Variants in EDC3 observed in about 807,000 individuals in gnomAD.
EDC3 encodes enhancer of mRNA-decapping protein 3.
EDC3 carries 20 observed loss-of-function variants against 41.8 expected under a neutral mutation model. The observed-to-expected ratio is 0.48, with a 90% CI of 0.34 to 0.70. The LOEUF (loss-of-function observed/expected upper bound fraction) is 0.70, where lower values mean the gene tolerates loss of function less well. Among genes scored for constraint, EDC3 ranks in the 30% least tolerant of loss-of-function variants. The pLI is 0.01. For missense variants in EDC3, 444 were observed against 636.8 expected (o/e 0.70, Z 3.26); for synonymous variants, 206 against 243.2 (o/e 0.85, Z 1.42).
At chr15:74,690,942 C>A (rs967934303) in intron 1 of EDC3, among the ~76,000 whole-genome samples, 4 of 152,158 alleles carry the variant, frequency 2.6e-5, no homozygotes, top group African/African-American at 9.7e-5. Context: ...TGTCTGCAAT[C>A]CTAGCACTGT....
At chr15:74,636,302 T>A (rs1233304589) in intron 5 of EDC3, 2 of 152,864 alleles carry the variant, frequency 1.3e-5, no homozygotes, top group Non-Finnish European at 2.9e-5. Context: ...CATAGGATGC[T>A]GTGCAGATTA....
chr15:74,655,762 G>C lies in EDC3; in HGVS notation c.791C>G (p.Pro264Arg), dbSNP rs1477944645. The C allele has an allele frequency of 2.5e-6, 4 of 1,612,722 alleles. No homozygotes were observed. The highest frequency in any genetic ancestry group is 3.4e-6 in the Non-Finnish European group (4 of 1,178,948). Residue 264 changes from proline (P) to arginine (R), a missense_variant, in exon 4 of 7, where the codon CCC becomes CGC. Physicochemically the swap from Pro to Arg is moderately radical, Grantham distance 103. This residue lies in a region of EDC3 where 242 missense variants were observed against 363.8 expected (regional missense o/e 0.67). Coordinates refer to ENST00000315127, the MANE Select transcript of EDC3 (RefSeq NM_025083.5). ...GCAGAACTCCTTGCTCACGTTGTGGGGCACTATGATCCGTCGATAGACAAT... is the reference window on the plus strand; with the variant it reads ...GCAGAACTCCTTGCTCACGTTGTGGCGCACTATGATCCGTCGATAGACAAT... ...EPIVYRRIIV[P>R]HNVSKEFCTD...
intron 6 of EDC3, among the ~76,000 whole-genome samples, chr15:74,633,392 A>G (rs963919986): frequency 4.6e-5 from 7 of 152,216 alleles, no homozygotes; most frequent in African/African-American, 1.7e-4. Flanking sequence ...GCTGACTGCT[A>G]TCTGCTGACC....
At chr15:74,648,301 T>C (rs2062440535) in intron 4 of EDC3, among the ~76,000 whole-genome samples, 1 of 152,208 alleles carries the variant, frequency 6.6e-6, no homozygotes, top group African/African-American at 2.4e-5. Context: ...AGCCTTAGAT[T>C]ACTTCTAGAG....
intron 4 of EDC3, among the ~76,000 whole-genome samples, chr15:74,651,154 T>C (rs2062475917): frequency 6.6e-6 from 1 of 152,234 alleles, no homozygotes; most frequent in Non-Finnish European, 1.5e-5. Context: ...TAGTGTTTTA[T>C]ATTTAAACTT....
intron 3 of EDC3, among the ~76,000 whole-genome samples, chr15:74,662,114 A>G (rs1010834023): frequency 6.6e-6 from 1 of 152,180 alleles, no homozygotes; most frequent in African/African-American, 2.4e-5. Flanking sequence ...CTACTGATTA[A>G]CTTTTAAGTT....
intron 3 of EDC3, among the ~76,000 whole-genome samples, chr15:74,662,906 A>C (rs915388749): frequency 2.0e-5 from 3 of 152,212 alleles, no homozygotes; most frequent in Non-Finnish European, 4.4e-5. Flanking sequence ...AGAATCTAGA[A>C]TCCAAAGACC....
rs2062560142 is a variant in EDC3, at chr15:74,657,241, G to A, written c.485-1173C>T. 2.6e-5 allele frequency among the ~76,000 whole-genome samples: 4 copies of A among 152,370 alleles called. No homozygotes were observed. In the South Asian group the frequency reaches 8.3e-4, roughly 32 times the overall value. ...TAACACATCCTCTGGGGCTTCAGGA[G>A]TTGTAGACACCCCACCTAGATGCTG... On this transcript the variant is annotated intron_variant, in intron 3 of 6. Transcript: ENST00000315127.
chr15:74,684,433 T>A (rs1470200969), intron 1 of EDC3, among the ~76,000 whole-genome samples: 1 of 131,536 alleles, frequency 7.6e-6, no homozygotes, highest in Non-Finnish European at 1.5e-5. Context: ...CCCAAAGTGC[T>A]AAGATTACAG....
chr15:74,692,820 T>C lies in EDC3; in HGVS notation c.-19+3060A>G, dbSNP rs2063022413. 6 of 152,336 alleles carry C rather than the reference T, an allele frequency of 3.9e-5. No individual in the cohort carries two copies. The South Asian group carries it at 1.2e-3, about 32-fold the overall frequency. 9.4% of individuals were successfully genotyped at this position (152,336 alleles called of 1,614,324 possible). The stretch of plus-strand genomic sequence containing the variant: ...TTGTATTTAGGTAATTTTATATTTA[T>C]TTTTAAGAAGTCAATATTTACTTGT... On this transcript the variant is annotated intron_variant, in intron 1 of 6. Transcript: ENST00000315127.
At chr15:74,651,281 C>G (rs1488753890) in intron 4 of EDC3, among the ~76,000 whole-genome samples, 6 of 152,186 alleles carry the variant, frequency 3.9e-5, no homozygotes, top group Non-Finnish European at 8.8e-5. Context: ...AGGGCAGGCC[C>G]AAGCTAGAGA....
chr15:74,652,298 G>A (rs904938741), intron 4 of EDC3, among the ~76,000 whole-genome samples: 1 of 150,210 alleles, frequency 6.7e-6, no homozygotes, highest in Non-Finnish European at 1.5e-5. Context: ...TGCGATCTCC[G>A]CTCACTGCAA....
chr15:74,669,493 C>T (rs1821067130), intron 3 of EDC3, among the ~76,000 whole-genome samples: 1 of 147,334 alleles, frequency 6.8e-6, no homozygotes, highest in East Asian at 2.0e-4. Context: ...GCCCGGGCAA[C>T]AGAGCAAGGC....
intron 6 of EDC3, among the ~76,000 whole-genome samples, chr15:74,634,585 C>A (rs1332279675): frequency 6.6e-6 from 1 of 152,156 alleles, no homozygotes; most frequent in Admixed American, 6.5e-5. Context: ...ATCAAGTTTT[C>A]CCATCTCAGT....
intron 6 of EDC3, among the ~76,000 whole-genome samples, chr15:74,634,367 C>T (rs981267332): frequency 3.3e-5 from 5 of 152,174 alleles, no homozygotes; most frequent in African/African-American, 4.8e-5. Flanking sequence ...AAATAAAGAG[C>T]TCAGTTTTCC....
chr15:74,674,841 C>T, intron 2 of EDC3, 120 bp downstream of exon 2: 1 of 1,179,002 alleles, frequency 8.5e-7, no homozygotes, highest in Non-Finnish European at 1.2e-6. Flanking sequence ...ACAGTGAAAC[C>T]CCATCTCTAC....
intron 2 of EDC3, among the ~76,000 whole-genome samples, chr15:74,672,827 T>C (rs879306680): frequency 1.4e-5 from 2 of 148,042 alleles, no homozygotes; most frequent in East Asian, 3.9e-4. Context: ...AAAAAAAAAA[T>C]TTTTTTTTTT....
intron 3 of EDC3, among the ~76,000 whole-genome samples, chr15:74,657,179 T>C (rs944892579): frequency 2.0e-5 from 3 of 152,232 alleles, no homozygotes; most frequent in Non-Finnish European, 4.4e-5. Flanking sequence ...TGTTAACACT[T>C]AAGCCATCTG....
Position 74,632,955 on chromosome 15 carries a change from G to C in EDC3, c.1193-9C>G. ...AGGGCTAGTGGGCAGATCTGCAGGT[G>C]GAAAGAGTGCCATCTGAAAGTCCCT... On this transcript the variant is annotated splice_polypyrimidine_tract_variant and intron_variant, in intron 6 of 6. Coordinates refer to ENST00000315127, the MANE Select transcript of EDC3 (RefSeq NM_025083.5). The surrounding 1 kb of genome is among the most constrained non-coding windows in gnomAD (Gnocchi z 4.0). The C allele has an allele frequency of 6.2e-7, 1 of 1,611,944 alleles. No individual in the cohort carries two copies. The highest frequency in any genetic ancestry group is 8.5e-7 in the Non-Finnish European group (1 of 1,178,330).
Sources: gnomAD v4.1 joint callset for allele counts (sites outside exome capture counted in the v4.1 genomes callset) on GRCh38, gnomAD v4.1.1 for gene constraint, gnomAD v4.1.1 regional missense constraint, Gnocchi (gnomAD v3.1) non-coding constraint, MANE v1.5 for transcripts, NCBI Gene and HGNC (gene_info 2026-07-23, HGNC 2026-07-21) for gene names.